The following TECTA variants were observed in gnomAD, a reference collection of about 807,000 sequenced individuals.
TECTA encodes the protein alpha-tectorin.
TECTA carries 128 observed loss-of-function variants against 216.8 expected under a neutral mutation model. That is an observed-to-expected ratio of 0.59 (90% CI 0.51 to 0.68). TECTA has a LOEUF of 0.68. Among genes scored for constraint, TECTA ranks in the 30% least tolerant of loss-of-function variants. The pLI, the probability that TECTA is intolerant of heterozygous loss-of-function variation, is 0.00. For synonymous variants in TECTA, 1,089 were observed against 1,117.1 expected (o/e 0.97, Z 0.50); for missense variants, 2,551 against 2,786.2 (o/e 0.92, Z 1.90).
chr11:121,160,823 C>T (rs1946991500), intron 15 of TECTA, among the ~76,000 whole-genome samples: 1 of 152,142 alleles, frequency 6.6e-6, no homozygotes, highest in Admixed American at 6.6e-5. Context: ...AATTGTGTGT[C>T]CTTGCCTCTT....
At chr11:121,174,376 AT>A (rs1347908534) in intron 20 of TECTA, among the ~76,000 whole-genome samples, 1 of 151,776 alleles carries the variant, frequency 6.6e-6, no homozygotes, top group Non-Finnish European at 1.5e-5. Flanking sequence ...TCAATACCTA[AT>A]TTATTGAGAG....
chr11:121,171,671 A>G (rs1055746172), intron 20 of TECTA, among the ~76,000 whole-genome samples: 6 of 151,954 alleles, frequency 3.9e-5, no homozygotes, highest in African/African-American at 1.5e-4. Context: ...ATTTTTTTGT[A>G]GGTATTATAA....
At chr11:121,122,307 C>T (rs1946565570) in intron 7 of TECTA, among the ~76,000 whole-genome samples, 1 of 152,142 alleles carries the variant, frequency 6.6e-6, no homozygotes, top group African/African-American at 2.4e-5. Context: ...TTTCTTCTTT[C>T]ACCATATGTG....
In TECTA at chr11:121,113,379, G is replaced by A. The variant is rs929787395; in HGVS notation, c.624+170G>A. 6.6e-5 allele frequency among the ~76,000 whole-genome samples: 10 copies of A among 152,130 alleles called. No homozygotes were observed. Among genetic ancestry groups the A allele is most frequent in the African/African-American group, 1.9e-4 (8 of 41,406 alleles). On this transcript the variant is annotated intron_variant, in intron 5 of 23. Coordinates refer to ENST00000392793, the MANE Select transcript of TECTA (RefSeq NM_005422.4). This position sits in a 1 kb window ranked among gnomAD's most constrained non-coding sequence, Gnocchi z 4.2. ...CTGCCCATGTTTGGCACCCTGACTC[G>A]GCTATGAAATGAACTAGGCAGTCCT...
Position 121,130,134 on chromosome 11 carries a change from ACTCTGTGG to A in TECTA, c.2866_2873del (p.Ser956ProfsTer20). The stretch of plus-strand genomic sequence containing the variant: ...GGGGGCAATGAGTCAGAGCTCTGTG[ACTCTGTGG>A]CCCGGTATGCAAGCGCCTGCAAGAA... On this transcript the variant is annotated frameshift_variant, in exon 10 of 24. Transcript: ENST00000392793. LOFTEE classifies it high-confidence loss of function. 6.2e-7 allele frequency: 1 copy of A among 1,610,754 alleles called. No individual in the cohort carries two copies. The highest frequency in any genetic ancestry group is 8.5e-7 in the Non-Finnish European group (1 of 1,179,966).
chr11:121,137,339 C>T (rs1011172103), intron 10 of TECTA, 82 bp from the exon 11 acceptor site: 2 of 1,571,288 alleles, frequency 1.3e-6, no homozygotes, highest in East Asian at 2.2e-5. Context: ...CACATGCACT[C>T]ATACACACAT....
intron 20 of TECTA, among the ~76,000 whole-genome samples, chr11:121,185,032 G>A (rs887359506): frequency 2.0e-5 from 3 of 152,206 alleles, no homozygotes; most frequent in Admixed American, 1.3e-4. Context: ...TTTGAAGGAT[G>A]TGGTAGCATT....
chr11:121,146,597 G>C lies in TECTA; in HGVS notation c.4105+481G>C, dbSNP rs188619418. ...AGAGCAGAATATTAAGAGTACATTA[G>C]AGAAGGAACTAGAGCCCCTGGATTC... On this transcript the variant is annotated intron_variant, in intron 12 of 23. Coordinates refer to ENST00000392793, the MANE Select transcript of TECTA (RefSeq NM_005422.4). Among the ~76,000 whole-genome samples, 14 of 152,298 alleles carry C rather than the reference G, an allele frequency of 9.2e-5. No individual in the cohort carries two copies. In the East Asian group the frequency reaches 2.3e-3, roughly 25 times the overall value.
At position 121,119,014 on chromosome 11, in the gene TECTA, C is replaced by CAT. The variant is rs200989793; in HGVS notation, c.1203+297_1203+298insTA. Among the ~76,000 whole-genome samples, 31,821 of 100,438 alleles carry CAT rather than the reference C, an allele frequency of 0.32. 3,820 individuals carry two copies. Among genetic ancestry groups the CAT allele is most frequent in the African/African-American group, 0.35 (12,563 of 35,854 alleles). The allele number at this position is 100,438 out of a possible 152,430, so 65.9% of individuals were successfully genotyped here. A position where few individuals can be genotyped will look rare whatever the true frequency, so the allele number is the denominator to read the frequency against. On this transcript the variant is annotated intron_variant, in intron 7 of 23. Coordinates refer to ENST00000392793, the MANE Select transcript of TECTA (RefSeq NM_005422.4). ...ATAGGCACACACACACACACACACA[C>CAT]ACACACACACACACACACACACACA...
intron 13 of TECTA, among the ~76,000 whole-genome samples, chr11:121,154,893 G>A (rs551412896): frequency 1.3e-5 from 2 of 152,316 alleles, no homozygotes; most frequent in African/African-American, 2.4e-5. Context: ...AAATCCAGCC[G>A]TGTTAATGAA....
chr11:121,128,445 T>G (rs1310846037), intron 9 of TECTA, 101 bp downstream of exon 9: 23 of 1,115,910 alleles, frequency 2.1e-5, no homozygotes, highest in African/African-American at 4.7e-5. Flanking sequence ...TGCCTATGAG[T>G]GGATTTTAGA....
At chr11:121,189,685 C>G in intron 22 of TECTA, 79 bp from the exon 23 acceptor site, 1 of 1,430,466 alleles carries the variant, frequency 7.0e-7, no homozygotes, top group East Asian at 2.3e-5. Context: ...GTCCTCCTCT[C>G]TTTTTAAAGC....
At chr11:121,190,391 A>C (rs963044204) in intron 23 of TECTA, among the ~76,000 whole-genome samples, 14 of 152,084 alleles carry the variant, frequency 9.2e-5, no homozygotes, top group African/African-American at 2.7e-4. Context: ...CAACCACCGG[A>C]GTAACTGGGA....
At chr11:121,139,778 C>A (rs1019693306) in intron 11 of TECTA, among the ~76,000 whole-genome samples, 3 of 152,112 alleles carry the variant, frequency 2.0e-5, no homozygotes, top group Non-Finnish European at 4.4e-5. Flanking sequence ...CTTCAACGAT[C>A]TGAGAGGTTA....
intron 11 of TECTA, among the ~76,000 whole-genome samples, chr11:121,141,288 A>T (rs943447433): frequency 6.6e-6 from 1 of 152,210 alleles, no homozygotes; most frequent in Non-Finnish European, 1.5e-5. Flanking sequence ...TCAGGATGAC[A>T]GTGTGAAATG....
intron 11 of TECTA, among the ~76,000 whole-genome samples, chr11:121,143,694 A>G (rs492294): frequency 0.47 from 72,266 of 152,182 alleles, 20,478 homozygotes; most frequent in African/African-American, 0.8. Flanking sequence ...CTGCCTCAAC[A>G]AATACTCACA....
chr11:121,157,730 C>G (rs1458036500), intron 13 of TECTA, 111 bp from the exon 14 acceptor site: 11 of 1,501,772 alleles, frequency 7.3e-6, no homozygotes, highest in Non-Finnish European at 1.0e-5. Context: ...AAATTCCAGC[C>G]CCATTAAAGA....
intron 10 of TECTA, among the ~76,000 whole-genome samples, chr11:121,132,628 C>T (rs531777804): frequency 2.0e-5 from 3 of 152,276 alleles, no homozygotes; most frequent in Admixed American, 2.0e-4. Flanking sequence ...AGGTGTGTTA[C>T]TCTCTCTTTT....
intron 20 of TECTA, among the ~76,000 whole-genome samples, chr11:121,182,224 A>C (rs1166701834): frequency 6.6e-6 from 1 of 151,974 alleles, no homozygotes; most frequent in South Asian, 2.1e-4. Flanking sequence ...GCAGTGGGCC[A>C]GGTGGGTGGG....
Sources: allele counts gnomAD v4.1 joint callset (sites outside exome capture counted in the v4.1 genomes callset), GRCh38; gene constraint gnomAD v4.1.1; non-coding constraint Gnocchi (gnomAD v3.1); transcripts MANE v1.5; gene names NCBI Gene and HGNC (gene_info 2026-07-23, HGNC 2026-07-21).